IMMP2L: variants seen among roughly 807,000 people sequenced by gnomAD.
IMMP2L encodes inner mitochondrial membrane peptidase subunit 2, also known as mitochondrial inner membrane protease subunit 2.
IMMP2L carries 18 observed loss-of-function variants against 19.3 expected under a neutral mutation model. The ratio of observed to expected loss-of-function variants is 0.93; its 90% confidence interval spans 0.64 to 1.38. The LOEUF (loss-of-function observed/expected upper bound fraction) is 1.38, where lower values mean the gene tolerates loss of function less well. IMMP2L is among the 40% of genes most tolerant of loss of function. The pLI, the probability that IMMP2L is intolerant of heterozygous loss-of-function variation, is 0.00. For missense variants in IMMP2L, 233 were observed against 218.2 expected, an observed-to-expected ratio of 1.07 and a Z score of -0.43; for synonymous variants, 76 against 73.0, an observed-to-expected ratio of 1.04 and a Z score of -0.21.
intron 3 of IMMP2L, among the ~76,000 whole-genome samples, chr7:111,214,751 T>C (rs964572044): frequency 2.6e-5 from 4 of 151,032 alleles, no homozygotes; most frequent in Non-Finnish European, 5.9e-5. Flanking sequence ...CTCTAGTACA[T>C]ACTGTGTAGA....
At chr7:111,453,896 T>G (rs1839449984) in intron 3 of IMMP2L, among the ~76,000 whole-genome samples, 1 of 152,188 alleles carries the variant, frequency 6.6e-6, no homozygotes, top group Non-Finnish European at 1.5e-5. Flanking sequence ...AATGAGTATT[T>G]CCCTATGGTT....
intron 5 of IMMP2L, among the ~76,000 whole-genome samples, chr7:110,677,865 G>A (rs917825380): frequency 6.6e-6 from 1 of 152,140 alleles, no homozygotes; most frequent in African/African-American, 2.4e-5. Flanking sequence ...AGAGTCAGGG[G>A]TGGCACAATG....
At chr7:111,442,716 C>T (rs1051200483) in intron 3 of IMMP2L, among the ~76,000 whole-genome samples, 1 of 151,842 alleles carries the variant, frequency 6.6e-6, no homozygotes, top group Admixed American at 6.6e-5. Context: ...GCTAATAAAG[C>T]ACATGATACT....
At chr7:111,504,375 T>C (rs1035858665) in intron 2 of IMMP2L, among the ~76,000 whole-genome samples, 5 of 151,964 alleles carry the variant, frequency 3.3e-5, no homozygotes, top group Non-Finnish European at 5.9e-5. Context: ...AGAATCAATA[T>C]CGTGAAAATG....
intron 3 of IMMP2L, among the ~76,000 whole-genome samples, chr7:111,368,616 G>GGGATGGGA (rs1305463859): frequency 1.3e-5 from 2 of 151,774 alleles, no homozygotes; most frequent in Non-Finnish European, 1.5e-5. Context: ...CTTCAATCCT[G>GGGATGGGA]TGAGCTTTTC....
chr7:110,730,625 G>T (rs529007698), intron 5 of IMMP2L, among the ~76,000 whole-genome samples: 1 of 151,768 alleles, frequency 6.6e-6, no homozygotes, highest in Non-Finnish European at 1.5e-5. Context: ...CCCGGGTTCA[G>T]GCCATTCTCC....
At chr7:111,160,041 T>C (rs1202073747) in intron 3 of IMMP2L, among the ~76,000 whole-genome samples, 3 of 152,046 alleles carry the variant, frequency 2.0e-5, no homozygotes, top group Non-Finnish European at 2.9e-5. Flanking sequence ...TTCTTAAGGG[T>C]ATTTTAGTAC....
At chr7:110,888,179 CT>C (rs1585148438) in intron 4 of IMMP2L, among the ~76,000 whole-genome samples, 1 of 152,114 alleles carries the variant, frequency 6.6e-6, no homozygotes, top group East Asian at 1.9e-4. Flanking sequence ...AAGTTTTCAG[CT>C]TTTTAAAGAA....
intron 4 of IMMP2L, among the ~76,000 whole-genome samples, chr7:110,949,864 A>G (rs185875118): frequency 1.3e-5 from 2 of 152,320 alleles, no homozygotes; most frequent in African/African-American, 4.8e-5. Flanking sequence ...GAAAGTTTTA[A>G]AAGTATTTAC....
intron 5 of IMMP2L, among the ~76,000 whole-genome samples, chr7:110,830,926 C>T (rs1033478579): frequency 1.3e-5 from 2 of 152,134 alleles, no homozygotes; most frequent in African/African-American, 4.8e-5. Context: ...AGGCTTAGAA[C>T]AACTCAAGTC....
chr7:111,198,247 T>C (rs950231910), intron 3 of IMMP2L, among the ~76,000 whole-genome samples: 1 of 152,210 alleles, frequency 6.6e-6, no homozygotes, highest in African/African-American at 2.4e-5. Flanking sequence ...TTTGATCTGA[T>C]GTGACAATTC....
At chr7:110,748,892 G>T (rs1797542210) in intron 5 of IMMP2L, among the ~76,000 whole-genome samples, 2 of 152,142 alleles carry the variant, frequency 1.3e-5, no homozygotes, top group Non-Finnish European at 2.9e-5. Context: ...TGGCAAAACG[G>T]ACAAATGGGA....
chr7:111,556,498 C>T lies in IMMP2L; in HGVS notation c.-3+5353G>A, dbSNP rs150331617. Among the ~76,000 whole-genome samples, 30 of 152,142 alleles carry T rather than the reference C, an allele frequency of 2.0e-4. 1 individual carries two copies. In the East Asian group the frequency reaches 5.6e-3, roughly 28 times the overall value. On this transcript the variant is annotated intron_variant, in intron 1 of 5. Transcript: ENST00000405709. ...CCTAAGAGGGACCCAAGCATATCTA[C>T]TCTCTATTCTCATGTCCAGCCCCCT... is the stretch of plus-strand genomic sequence containing the variant.
chr7:111,445,364 G>C (rs1215181019), intron 3 of IMMP2L, among the ~76,000 whole-genome samples: 2 of 151,504 alleles, frequency 1.3e-5, no homozygotes, highest in Non-Finnish European at 2.9e-5. Context: ...CTCCTTCCTA[G>C]CAATTTATTC....
chr7:111,416,144 A>G (rs1342912176), intron 3 of IMMP2L, among the ~76,000 whole-genome samples: 4 of 151,850 alleles, frequency 2.6e-5, no homozygotes, highest in African/African-American at 9.7e-5. Context: ...CGCAAATAAA[A>G]TCAACAGCAC....
In IMMP2L at chr7:111,451,486, C is replaced by G. The variant is rs573188224; in HGVS notation, c.239+35752G>C. Among the ~76,000 whole-genome samples the G allele has an allele frequency of 2.1e-5, 3 of 143,400 alleles. No homozygotes were observed. The East Asian group carries it at 6.2e-4, about 30-fold the overall frequency. 94.1% of individuals were successfully genotyped at this position (143,400 alleles called of 152,430 possible). A position where few individuals can be genotyped will look rare whatever the true frequency, so the allele number is the denominator to read the frequency against. The stretch of plus-strand genomic sequence containing the variant: ...AACAAAAAACCAAACACTGCATATT[C>G]TCACTCATAGGTGGGAATTGAACAA... On this transcript the variant is annotated intron_variant, in intron 3 of 5. Transcript: ENST00000405709.
At chr7:111,561,617 G>T (rs1036362346) in intron 1 of IMMP2L, among the ~76,000 whole-genome samples, 2 of 152,084 alleles carry the variant, frequency 1.3e-5, no homozygotes, top group Non-Finnish European at 2.9e-5. Context: ...GGGTCAAGGG[G>T]CTAAAAGGGA....
chr7:110,849,493 G>A (rs939866852), intron 5 of IMMP2L, among the ~76,000 whole-genome samples: 2 of 151,788 alleles, frequency 1.3e-5, no homozygotes, highest in Non-Finnish European at 2.9e-5. Flanking sequence ...AATTAAAAAA[G>A]ACAAAGTTCA....
chr7:111,142,837 T>G lies in IMMP2L; in HGVS notation c.240-179272A>C, dbSNP rs147992521. On this transcript the variant is annotated intron_variant, in intron 3 of 5. Transcript: ENST00000405709. Reference sequence around the variant, plus strand: ...GTGCCCTCAATTAGATGAACAACTCTCACGGTCCCAAAACTTTTATTGTTG... The same window carrying G: ...GTGCCCTCAATTAGATGAACAACTCGCACGGTCCCAAAACTTTTATTGTTG... Among the ~76,000 whole-genome samples the G allele has an allele frequency of 1.8e-4, 28 of 152,308 alleles. No individual in the cohort carries two copies. The East Asian group carries it at 4.4e-3, about 24-fold the overall frequency.
Sources: allele counts gnomAD v4.1 joint callset (sites outside exome capture counted in the v4.1 genomes callset), GRCh38; gene constraint gnomAD v4.1.1; transcripts MANE v1.5; gene names NCBI Gene and HGNC (gene_info 2026-07-23, HGNC 2026-07-21).